The following CADPS variants were observed in gnomAD, a reference collection of about 807,000 sequenced individuals.
CADPS encodes calcium-dependent secretion activator 1.
A neutral mutation model predicts 167.3 loss-of-function variants in CADPS; 57 were observed. The observed-to-expected ratio is 0.34, with a 90% CI of 0.28 to 0.42. The LOEUF is 0.42. CADPS is among the 20% of genes least tolerant of loss of function. CADPS has a pLI of 1.00. For synonymous variants in CADPS, 676 were observed against 635.3 expected, an observed-to-expected ratio of 1.06 and a Z score of -0.96; for missense variants, 1,414 against 1,738.1, an observed-to-expected ratio of 0.81 and a Z score of 3.32.
At chr3:62,460,880 T>C (rs576236231) in intron 26 of CADPS, among the ~76,000 whole-genome samples, 1 of 152,330 alleles carries the variant, frequency 6.6e-6, no homozygotes, top group South Asian at 2.1e-4. Context: ...TTATTCTTCC[T>C]GTTGTGAGTG....
intron 28 of CADPS, among the ~76,000 whole-genome samples, chr3:62,414,522 A>T (rs1171298772): frequency 6.6e-6 from 1 of 152,244 alleles, no homozygotes; most frequent in East Asian, 1.9e-4. Context: ...CCTCAAAATG[A>T]TCTTTGCACC....
intron 3 of CADPS, among the ~76,000 whole-genome samples, chr3:62,712,951 C>A (rs572043625): frequency 1.3e-5 from 2 of 152,294 alleles, no homozygotes; most frequent in African/African-American, 2.4e-5. Context: ...AATGAGCCAG[C>A]CTCAAACCTG....
intron 23 of CADPS, among the ~76,000 whole-genome samples, chr3:62,477,777 A>G (rs1335387471): frequency 2.6e-5 from 4 of 152,206 alleles, no homozygotes; most frequent in Admixed American, 2.6e-4. Flanking sequence ...ATATATGCTC[A>G]TCTTTTATAT....
intron 6 of CADPS, among the ~76,000 whole-genome samples, chr3:62,599,845 T>TA (rs1243524066): frequency 2.4e-4 from 2 of 8,414 alleles, no homozygotes; most frequent in Admixed American, 2.7e-3. Flanking sequence ...ATATATTATA[T>TA]ATATATAATA....
intron 24 of CADPS, 65 bp from the exon 25 acceptor site, chr3:62,466,478 T>C: frequency 3.0e-6 from 3 of 1,004,232 alleles, no homozygotes; most frequent in Non-Finnish European, 4.7e-6. Context: ...CCGTCAGTAA[T>C]TTTTAGACAA....
chr3:62,734,843 C>T (rs2078668672), intron 3 of CADPS, among the ~76,000 whole-genome samples: 1 of 152,122 alleles, frequency 6.6e-6, no homozygotes, highest in African/African-American at 2.4e-5. Context: ...GAGCTTTATC[C>T]TCCCCATAGC....
intron 6 of CADPS, among the ~76,000 whole-genome samples, chr3:62,619,400 G>C (rs550194436): frequency 1.3e-5 from 2 of 152,070 alleles, no homozygotes; most frequent in African/African-American, 4.8e-5. Flanking sequence ...AGCCCTACAC[G>C]TGCTGCATTC....
At chr3:62,680,933 G>A (rs971554285) in intron 3 of CADPS, among the ~76,000 whole-genome samples, 8 of 151,970 alleles carry the variant, frequency 5.3e-5, no homozygotes, top group Non-Finnish European at 1.0e-4. Flanking sequence ...TAGAAATGAT[G>A]AGGACATATC....
chr3:62,599,499 TTTATATATA>T (rs1461618885), intron 6 of CADPS, among the ~76,000 whole-genome samples: 42 of 107,760 alleles, frequency 3.9e-4, no homozygotes, highest in African/African-American at 1.5e-3. Flanking sequence ...ATATATATAT[TTTATATATA>T]TTATATATAT....
At chr3:62,536,806 G>T (rs2152042160) in intron 11 of CADPS, among the ~76,000 whole-genome samples, 1 of 152,254 alleles carries the variant, frequency 6.6e-6, no homozygotes, top group Non-Finnish European at 1.5e-5. Context: ...GCATCAACAT[G>T]TTTATCAAAT....
In CADPS at chr3:62,753,706, C is replaced by G; in HGVS notation, c.623G>C (p.Arg208Pro). 1 of 1,614,130 alleles carries G rather than the reference C, an allele frequency of 6.2e-7. No individual in the cohort carries two copies. The highest frequency in any genetic ancestry group is 1.1e-5 in the South Asian group (1 of 91,074). ...CTCAATGTGCTTCTTGAAGACCTCC[C>G]GGGAGTCGTTGGCGGAACAGCCTCC... ...QSGGCSANDS[R>P]EVFKKHIEKR... The change falls in exon 3 of 30, where the codon CGG (arginine) becomes CCG (proline). Residue 208 changes from arginine (R) to proline (P), a missense_variant. Physicochemically the swap from Arg to Pro is moderately radical, Grantham distance 103. Around this residue, in one of 6 missense-constraint regions of CADPS, gnomAD observed 522 missense variants for 559.5 expected, o/e 0.93. Coordinates refer to ENST00000383710, the MANE Select transcript of CADPS (RefSeq NM_003716.4). The surrounding 1 kb of genome is among the most constrained non-coding windows in gnomAD (Gnocchi z 4.6).
chr3:62,851,083 A>G (rs1027215390), intron 1 of CADPS, among the ~76,000 whole-genome samples: 1 of 113,884 alleles, frequency 8.8e-6, no homozygotes, highest in Non-Finnish European at 1.8e-5. Context: ...TTTATCAGAG[A>G]CTAGGATTGC....
chr3:62,802,087 G>A (rs190942841), intron 1 of CADPS, among the ~76,000 whole-genome samples: 67 of 152,210 alleles, frequency 4.4e-4, no homozygotes, highest in African/African-American at 1.4e-3. Flanking sequence ...GCAAAAGTCT[G>A]TTCTGTGTAA....
intron 4 of CADPS, among the ~76,000 whole-genome samples, chr3:62,656,842 C>G (rs942455430): frequency 1.3e-5 from 2 of 152,196 alleles, no homozygotes; most frequent in Non-Finnish European, 2.9e-5. Context: ...ACTTCCTCAG[C>G]TTTTATGAAC....
chr3:62,551,359 G>A (rs1350396854), intron 10 of CADPS, among the ~76,000 whole-genome samples: 1 of 152,136 alleles, frequency 6.6e-6, no homozygotes, highest in Non-Finnish European at 1.5e-5. Context: ...TCCACCGTTA[G>A]GACATTACCA....
At chr3:62,407,347 T>C (rs938652063) in intron 28 of CADPS, among the ~76,000 whole-genome samples, 1 of 152,224 alleles carries the variant, frequency 6.6e-6, no homozygotes, top group Non-Finnish European at 1.5e-5. Context: ...CATGCAATTG[T>C]GTTGTAAAGT....
At chr3:62,606,769 C>T (rs1347319734) in intron 6 of CADPS, among the ~76,000 whole-genome samples, 1 of 152,190 alleles carries the variant, frequency 6.6e-6, no homozygotes, top group Non-Finnish European at 1.5e-5. Context: ...AGCTTTTTCT[C>T]CTGTGTCTTT....
chr3:62,816,195 C>T (rs1278295011), intron 1 of CADPS, among the ~76,000 whole-genome samples: 4 of 152,036 alleles, frequency 2.6e-5, no homozygotes, highest in Admixed American at 2.0e-4. Context: ...CATACCAAAG[C>T]CTATATGTAA....
intron 18 of CADPS, among the ~76,000 whole-genome samples, chr3:62,496,200 G>C (rs10510877): frequency 0.12 from 18,083 of 151,764 alleles, 1,211 homozygotes; most frequent in East Asian, 0.2. Context: ...CAGCAGTAAG[G>C]CTACCTCTTC....
Sources: gnomAD v4.1 joint callset for allele counts (sites outside exome capture counted in the v4.1 genomes callset) on GRCh38, gnomAD v4.1.1 for gene constraint, gnomAD v4.1.1 regional missense constraint, Gnocchi (gnomAD v3.1) non-coding constraint, MANE v1.5 for transcripts, NCBI Gene and HGNC (gene_info 2026-07-23, HGNC 2026-07-21) for gene names.